Variants in HRH1 observed in about 807,000 individuals in gnomAD.
HRH1 encodes histamine receptor H1, also known as histamine H1 receptor.
A neutral mutation model predicts 10.3 loss-of-function variants in HRH1; 6 were observed. That is an observed-to-expected ratio of 0.58 (90% confidence interval 0.32 to 1.15). The LOEUF (loss-of-function observed/expected upper bound fraction) is 1.15. HRH1 is among the 50% of genes most tolerant of loss of function. The pLI is 0.05. For missense variants in HRH1, 514 were observed against 615.3 expected, an observed-to-expected ratio of 0.84 and a Z score of 1.74; for synonymous variants, 242 against 236.7, an observed-to-expected ratio of 1.02 and a Z score of -0.21.
chr3:11,160,509 G>T (rs944646642), intron 1 of HRH1, among the ~76,000 whole-genome samples: 4 of 152,166 alleles, frequency 2.6e-5, no homozygotes, highest in African/African-American at 7.2e-5. Flanking sequence ...GGGTTTTGAA[G>T]AAAGATAAAA....
chr3:11,193,502 C>T (rs1156387708), intron 1 of HRH1, among the ~76,000 whole-genome samples: 1 of 152,176 alleles, frequency 6.6e-6, no homozygotes, highest in African/African-American at 2.4e-5. Flanking sequence ...ATCAAGGCAC[C>T]AGCAGATTCA....
chr3:11,165,889 C>A (rs1309959210), intron 1 of HRH1, among the ~76,000 whole-genome samples: 1 of 152,202 alleles, frequency 6.6e-6, no homozygotes, highest in African/African-American at 2.4e-5. Flanking sequence ...CTTGGCATCA[C>A]CTAACACGGA....
rs574895128 is a variant in HRH1 at position 11,224,531 on chromosome 3, A to G, written c.-35-34472A>G. Among the ~76,000 whole-genome samples, 20 of 152,216 alleles carry G rather than the reference A, an allele frequency of 1.3e-4. No homozygotes were observed. The South Asian group carries it at 1.5e-3, about 11-fold the overall frequency. On this transcript the variant is annotated intron_variant, in intron 1 of 1. Coordinates refer to ENST00000431010, the MANE Select transcript of HRH1 (RefSeq NM_001098212.2). ...GCTAACACGGTGAAACCCGGTCTCT[A>G]CTAAAAAATACAAAAAAAATTAGCC...
At chr3:11,215,946 T>C (rs938828926) in intron 1 of HRH1, among the ~76,000 whole-genome samples, 33 of 152,304 alleles carry the variant, frequency 2.2e-4, no homozygotes, top group African/African-American at 7.2e-4. Context: ...CATCTTTTCA[T>C]GTCATCAAAT....
At position 11,147,704 on chromosome 3, in the gene HRH1, T is replaced by C. The variant is rs1936485651; in HGVS notation, c.-36+10305T>C. 2.0e-5 allele frequency among the ~76,000 whole-genome samples: 3 copies of C among 152,360 alleles called. No homozygotes were observed. In the South Asian group the frequency reaches 6.2e-4, roughly 32 times the overall value. ...ATGTATTAACTCGTAAGATCCTCAC[T>C]ACACCCAGATGAAGCTGATACTATT... On this transcript the variant is annotated intron_variant, in intron 1 of 1. Coordinates refer to the HRH1 transcript ENST00000438284.
intron 1 of HRH1, among the ~76,000 whole-genome samples, chr3:11,196,230 G>A (rs998533806): frequency 3.9e-5 from 6 of 152,160 alleles, no homozygotes; most frequent in South Asian, 2.1e-4. Context: ...CTGGCCCTGC[G>A]CAGCAGCCTC....
chr3:11,260,489 T>C lies in HRH1; in HGVS notation c.1452T>C (p.His484=). The C allele has an allele frequency of 6.3e-7, 1 of 1,598,368 alleles. No individual in the cohort carries two copies. The highest frequency in any genetic ancestry group is 2.2e-5 in the East Asian group (1 of 44,740). The part of the protein sequence containing the change: ...NFKKTFKRIL[H]IRS Reference sequence around the variant, plus strand: ...AGAAGACATTCAAGAGAATTCTGCATATTCGCTCCTAAGGGAGGCTCTGAG... The same window carrying C: ...AGAAGACATTCAAGAGAATTCTGCACATTCGCTCCTAAGGGAGGCTCTGAG... The change falls in exon 2 of 2, where the codon CAT becomes CAC. Residue 484 remains histidine, a synonymous_variant. Transcript: ENST00000431010.
intron 1 of HRH1, among the ~76,000 whole-genome samples, chr3:11,178,450 T>A (rs570995071): frequency 6.6e-6 from 1 of 152,206 alleles, no homozygotes; most frequent in African/African-American, 2.4e-5. Context: ...CTTGGATCTC[T>A]TTACAGTTTC....
At chr3:11,146,472 G>A (rs1165870372) in intron 1 of HRH1, among the ~76,000 whole-genome samples, 1 of 152,178 alleles carries the variant, frequency 6.6e-6, no homozygotes, top group Non-Finnish European at 1.5e-5. Flanking sequence ...TGATGAGATG[G>A]TCCCTATGGG....
intron 1 of HRH1, among the ~76,000 whole-genome samples, chr3:11,256,536 C>A (rs780260122): frequency 4.6e-5 from 7 of 152,280 alleles, no homozygotes; most frequent in Admixed American, 1.3e-4. Flanking sequence ...CACGGTGGCT[C>A]ACACCTATAA....
At chr3:11,252,378 A>G (rs769139516) in intron 1 of HRH1, among the ~76,000 whole-genome samples, 3 of 152,210 alleles carry the variant, frequency 2.0e-5, no homozygotes, top group Non-Finnish European at 4.4e-5. Context: ...CTTCTTTTCT[A>G]TCATCTCCTG....
intron 1 of HRH1, among the ~76,000 whole-genome samples, chr3:11,164,475 C>T (rs888031786): frequency 4.2e-4 from 64 of 152,096 alleles, no homozygotes; most frequent in African/African-American, 1.2e-3. Flanking sequence ...CTGTTTCTAC[C>T]GCCAGCCTGG....
chr3:11,186,552 C>A (rs1427912670), intron 1 of HRH1, among the ~76,000 whole-genome samples: 5 of 152,206 alleles, frequency 3.3e-5, no homozygotes, highest in African/African-American at 1.2e-4. Context: ...CATTTACTCA[C>A]TGAATAAATG....
intron 1 of HRH1, among the ~76,000 whole-genome samples, chr3:11,160,242 T>C (rs1387424616): frequency 2.0e-5 from 3 of 152,178 alleles, no homozygotes; most frequent in Admixed American, 6.5e-5. Flanking sequence ...CCATGCCCCT[T>C]TCTGCCAATT....
chr3:11,233,741 C>G (rs1939102514), intron 1 of HRH1, among the ~76,000 whole-genome samples: 1 of 152,172 alleles, frequency 6.6e-6, no homozygotes, highest in African/African-American at 2.4e-5. Flanking sequence ...GTACAGTACC[C>G]CTTCACATAC....
chr3:11,224,155 G>A (rs764629891), intron 1 of HRH1, among the ~76,000 whole-genome samples: 3 of 152,182 alleles, frequency 2.0e-5, no homozygotes, highest in Admixed American at 6.5e-5. Flanking sequence ...CAATGTGCAT[G>A]CCTACCATGT....
At chr3:11,157,675 A>G (rs1055882510) in intron 1 of HRH1, among the ~76,000 whole-genome samples, 4 of 152,304 alleles carry the variant, frequency 2.6e-5, no homozygotes, top group African/African-American at 9.6e-5. Flanking sequence ...TTCTCCAGTG[A>G]TAATGCAGGG....
At chr3:11,175,294 C>T (rs1048636874) in intron 1 of HRH1, among the ~76,000 whole-genome samples, 5 of 152,174 alleles carry the variant, frequency 3.3e-5, no homozygotes, top group African/African-American at 1.2e-4. Flanking sequence ...TTCAGACACC[C>T]CCAGGTCATT....
intron 1 of HRH1, among the ~76,000 whole-genome samples, chr3:11,163,953 A>G (rs56190796): frequency 0.18 from 27,412 of 152,036 alleles, 2,974 homozygotes; most frequent in East Asian, 0.3. Context: ...CGGTCCCCCC[A>G]TGGCTGTGAG....
Sources: allele counts gnomAD v4.1 joint callset (sites outside exome capture counted in the v4.1 genomes callset), GRCh38; gene constraint gnomAD v4.1.1; transcripts MANE v1.5; gene names NCBI Gene and HGNC (gene_info 2026-07-23, HGNC 2026-07-21).